CSNK1A1: variants seen among roughly 807,000 people sequenced by gnomAD.
The protein encoded by CSNK1A1 is casein kinase I isoform alpha.
CSNK1A1 carries 7 observed loss-of-function variants against 46.1 expected under a neutral mutation model. The ratio of observed to expected loss-of-function variants is 0.15; its 90% CI spans 0.09 to 0.29. The LOEUF (loss-of-function observed/expected upper bound fraction) is 0.29, where lower values mean the gene tolerates loss of function less well. Among genes scored for constraint, CSNK1A1 ranks in the 10% least tolerant of loss-of-function variants. The pLI is 1.00. For synonymous variants in CSNK1A1, 137 were observed against 141.5 expected (o/e 0.97, Z 0.23); for missense variants, 96 against 417.1 (o/e 0.23, Z 6.71).
chr5:149,514,370 T>G (rs1024392278), intron 4 of CSNK1A1, among the ~76,000 whole-genome samples: 1 of 152,216 alleles, frequency 6.6e-6, no homozygotes, highest in Non-Finnish European at 1.5e-5. Flanking sequence ...CAAAACATAT[T>G]CATATTTACC....
chr5:149,540,668 AAACT>A (rs1305745718), intron 2 of CSNK1A1, among the ~76,000 whole-genome samples: 1 of 152,196 alleles, frequency 6.6e-6, no homozygotes, highest in Non-Finnish European at 1.5e-5. Context: ...AAATAAAATA[AAACT>A]AACACTGTCA....
intron 2 of CSNK1A1, among the ~76,000 whole-genome samples, chr5:149,526,834 C>T (rs527330914): frequency 5.3e-5 from 8 of 152,246 alleles, no homozygotes; most frequent in African/African-American, 7.2e-5. Context: ...AGATAGGTCT[C>T]ATAGTCAGGT....
intron 9 of CSNK1A1, chr5:149,503,139 G>T (rs1473361201): frequency 1.0e-6 from 1 of 985,316 alleles, no homozygotes. Context: ...TTGTTACTTA[G>T]AGACTGGAAG....
chr5:149,545,398 T>C (rs1762446571), intron 2 of CSNK1A1: 2 of 486,358 alleles, frequency 4.1e-6, no homozygotes, highest in Admixed American at 5.5e-5. Flanking sequence ...CCGAAGCCTT[T>C]GTAGGGGCCT....
chr5:149,500,433 G>A (rs965243612), intron 9 of CSNK1A1, among the ~76,000 whole-genome samples: 6 of 151,780 alleles, frequency 4.0e-5, no homozygotes, highest in Admixed American at 1.3e-4. Flanking sequence ...CACCGCGCCC[G>A]GCCCCAGCTA....
intron 2 of CSNK1A1, among the ~76,000 whole-genome samples, chr5:149,530,733 C>A (rs747563007): frequency 6.6e-6 from 1 of 151,920 alleles, no homozygotes; most frequent in African/African-American, 2.4e-5. Context: ...TCTGGGAAGC[C>A]GAGGCGGGCG....
In CSNK1A1 at chr5:149,493,256, A is replaced by G. The variant is rs1760570672; in HGVS notation, c.*3597T>C. On this transcript the variant is annotated 3_prime_UTR_variant, in exon 10 of 10. Transcript: ENST00000377843. ...CGGCTAATTTTTGTATTTTTAGTAG[A>G]GACAGGGTTTCACTATGTTGGCCAG... 1 of 151,970 alleles carries G rather than the reference A, an allele frequency of 6.6e-6. No homozygotes were observed. Among genetic ancestry groups the G allele is most frequent in the African/African-American group, 2.4e-5 (1 of 41,346 alleles). The allele number at this position is 151,970 out of a possible 1,614,324, so 9.4% of individuals were successfully genotyped here.
chr5:149,528,602 G>A (rs1761792315), intron 2 of CSNK1A1, among the ~76,000 whole-genome samples: 1 of 152,072 alleles, frequency 6.6e-6, no homozygotes. Context: ...CGTCTATTCT[G>A]AGAGCTTTTC....
At chr5:149,510,332 C>T (rs970158418) in intron 6 of CSNK1A1, among the ~76,000 whole-genome samples, 5 of 152,086 alleles carry the variant, frequency 3.3e-5, no homozygotes, top group African/African-American at 1.2e-4. Flanking sequence ...TTCACAGGCT[C>T]AGCAGTAATT....
intron 4 of CSNK1A1, among the ~76,000 whole-genome samples, chr5:149,519,615 T>C (rs1261990096): frequency 6.6e-6 from 1 of 152,144 alleles, no homozygotes; most frequent in Non-Finnish European, 1.5e-5. Flanking sequence ...GTTGAACCAC[T>C]CTCAGAGACC....
intron 9 of CSNK1A1, chr5:149,503,282 G>A (rs1760928523): frequency 6.1e-6 from 6 of 985,310 alleles, no homozygotes; most frequent in African/African-American, 3.5e-5. Context: ...AAGGCCCGAA[G>A]GCCAGCTACA....
chr5:149,508,226 A>G (rs1761097740), intron 7 of CSNK1A1, among the ~76,000 whole-genome samples: 1 of 152,184 alleles, frequency 6.6e-6, no homozygotes, highest in Non-Finnish European at 1.5e-5. Flanking sequence ...AACATTTTTT[A>G]TTGATTGCAC....
chr5:149,500,135 ATTTT>A (rs1193702653), intron 9 of CSNK1A1, among the ~76,000 whole-genome samples: 1 of 106,328 alleles, frequency 9.4e-6, no homozygotes, highest in African/African-American at 4.0e-5. Flanking sequence ...CGCCCAGCTA[ATTTT>A]TTTTTTTTTT....
At chr5:149,549,846 G>C (rs767271979) in intron 2 of CSNK1A1, among the ~76,000 whole-genome samples, 3 of 152,214 alleles carry the variant, frequency 2.0e-5, no homozygotes, top group Non-Finnish European at 4.4e-5. Flanking sequence ...CTCGGGAAGA[G>C]TGAGAATGAC....
At chr5:149,529,623 T>G (rs891683313) in intron 2 of CSNK1A1, 1 of 450,726 alleles carries the variant, frequency 2.2e-6, no homozygotes. Context: ...GCAAACCATT[T>G]TGGGGCATGG....
At chr5:149,504,379 C>T in intron 9 of CSNK1A1, 1 of 976,544 alleles carries the variant, frequency 1.0e-6, no homozygotes, top group Non-Finnish European at 1.2e-6. Flanking sequence ...TTAAATACAA[C>T]ACTAAAAATG....
At chr5:149,504,250 T>TA in intron 9 of CSNK1A1, 1 of 985,450 alleles carries the variant, frequency 1.0e-6, no homozygotes, top group Non-Finnish European at 1.2e-6. Flanking sequence ...AAACATGGAA[T>TA]AGAAGCATCT....
intron 9 of CSNK1A1, among the ~76,000 whole-genome samples, chr5:149,500,594 T>C (rs1760821992): frequency 6.6e-6 from 1 of 152,110 alleles, no homozygotes; most frequent in African/African-American, 2.4e-5. Context: ...TTCTTTTCTT[T>C]TTAAAATTAT....
At chr5:149,544,071 A>T (rs1433188208) in intron 2 of CSNK1A1, among the ~76,000 whole-genome samples, 4 of 152,188 alleles carry the variant, frequency 2.6e-5, no homozygotes, top group Admixed American at 1.3e-4. Flanking sequence ...GGCCAGTGAC[A>T]CTTTTAAGTA....
Sources: gnomAD v4.1 joint callset for allele counts (sites outside exome capture counted in the v4.1 genomes callset) on GRCh38, gnomAD v4.1.1 for gene constraint, MANE v1.5 for transcripts, NCBI Gene and HGNC (gene_info 2026-07-23, HGNC 2026-07-21) for gene names.